NKAIN2: variants seen among roughly 807,000 people sequenced by gnomAD.
The protein encoded by NKAIN2 is sodium/potassium transporting ATPase interacting 2, also known as sodium/potassium-transporting ATPase subunit beta-1-interacting protein 2.
NKAIN2 carries 14 observed loss-of-function variants against 32.6 expected under a neutral mutation model. The observed-to-expected ratio is 0.43, with a 90% confidence interval of 0.28 to 0.67. The LOEUF (loss-of-function observed/expected upper bound fraction) is 0.67. NKAIN2 is among the 30% of genes least tolerant of loss of function. NKAIN2 has a pLI of 0.17. For synonymous variants in NKAIN2, 80 were observed against 87.2 expected (o/e 0.92, Z 0.46); for missense variants, 198 against 258.3 (o/e 0.77, Z 1.60).
At chr6:124,290,889 T>A (rs2753148) in intron 2 of NKAIN2, among the ~76,000 whole-genome samples, 40,316 of 151,936 alleles carry the variant, frequency 0.27, 6,834 homozygotes, top group African/African-American at 0.48. Flanking sequence ...GCAATGTTCT[T>A]CTTCCCTGGA....
intron 1 of NKAIN2, among the ~76,000 whole-genome samples, chr6:124,145,252 A>G (rs1291795898): frequency 6.6e-6 from 1 of 152,138 alleles, no homozygotes; most frequent in Non-Finnish European, 1.5e-5. Context: ...CTACCACACA[A>G]CCCAACAATT....
intron 1 of NKAIN2, among the ~76,000 whole-genome samples, chr6:124,148,909 G>C (rs9388306): frequency 0.79 from 120,853 of 152,104 alleles, 49,073 homozygotes; most frequent in Non-Finnish European, 0.88. Context: ...GCATTATATT[G>C]CATTTCCACC....
chr6:124,370,531 A>G lies in NKAIN2; in HGVS notation c.273+15184A>G, dbSNP rs553988335. ...AATTGTAGGACTCCAGGGTTTTCACACTCAGAGGTAGCATAATATATAAAA... is the reference window on the plus strand; with the variant it reads ...AATTGTAGGACTCCAGGGTTTTCACGCTCAGAGGTAGCATAATATATAAAA... On this transcript the variant is annotated intron_variant, in intron 3 of 6. Transcript: ENST00000368417. Among the ~76,000 whole-genome samples the G allele has an allele frequency of 5.3e-5, 8 of 152,178 alleles. No homozygotes were observed. The East Asian group carries it at 1.5e-3, about 29-fold the overall frequency.
intron 1 of NKAIN2, among the ~76,000 whole-genome samples, chr6:123,869,250 A>G (rs931829031): frequency 1.3e-5 from 2 of 152,234 alleles, no homozygotes; most frequent in Non-Finnish European, 1.5e-5. Context: ...TTGACCTCTT[A>G]TCAGAAAGTG....
At chr6:124,055,439 T>C (rs1782598698) in intron 1 of NKAIN2, among the ~76,000 whole-genome samples, 1 of 152,004 alleles carries the variant, frequency 6.6e-6, no homozygotes, top group Non-Finnish European at 1.5e-5. Context: ...GTAAGGTGAT[T>C]TGAGAGTTAG....
rs189762183 is a variant in NKAIN2 at position 124,558,672 on chromosome 6, A to G, written c.274-99514A>G. ...AATAATTATGCCAGACCTCAGCTGGATGTGGTGGCTCAAGCCCGTAATCCC... is the reference window on the plus strand; with the variant it reads ...AATAATTATGCCAGACCTCAGCTGGGTGTGGTGGCTCAAGCCCGTAATCCC... On this transcript the variant is annotated intron_variant, in intron 3 of 6. Transcript: ENST00000368417. Among the ~76,000 whole-genome samples, 11 of 152,192 alleles carry G rather than the reference A, an allele frequency of 7.2e-5. No homozygotes were observed. In the East Asian group the frequency reaches 1.2e-3, roughly 16 times the overall value.
chr6:124,412,780 T>G (rs2114503736), intron 3 of NKAIN2, among the ~76,000 whole-genome samples: 1 of 152,306 alleles, frequency 6.6e-6, no homozygotes, highest in South Asian at 2.1e-4. Flanking sequence ...AGGTGGAGCC[T>G]ACCTAGGCAG....
intron 1 of NKAIN2, among the ~76,000 whole-genome samples, chr6:124,258,946 G>A (rs1380443438): frequency 6.6e-6 from 1 of 152,120 alleles, no homozygotes; most frequent in Non-Finnish European, 1.5e-5. Context: ...TTTATCATTG[G>A]ATAATTTAAA....
At chr6:124,798,063 T>TTGTC (rs749583601) in intron 5 of NKAIN2, among the ~76,000 whole-genome samples, 2 of 148,600 alleles carry the variant, frequency 1.3e-5, no homozygotes, top group African/African-American at 5.0e-5. Flanking sequence ...TATCTATCTA[T>TTGTC]TATCTATCTA....
chr6:124,157,560 T>G (rs1788055424), intron 1 of NKAIN2, among the ~76,000 whole-genome samples: 1 of 152,214 alleles, frequency 6.6e-6, no homozygotes, highest in Non-Finnish European at 1.5e-5. Flanking sequence ...CCGACATCTC[T>G]GTGAAGGGCC....
At chr6:124,462,274 T>A (rs1028708853) in intron 3 of NKAIN2, among the ~76,000 whole-genome samples, 3 of 151,932 alleles carry the variant, frequency 2.0e-5, no homozygotes, top group African/African-American at 7.2e-5. Context: ...CACCATAATC[T>A]AATAAAATTC....
intron 3 of NKAIN2, among the ~76,000 whole-genome samples, chr6:124,454,487 G>A (rs967817050): frequency 6.6e-6 from 1 of 151,966 alleles, no homozygotes; most frequent in Non-Finnish European, 1.5e-5. Context: ...AGTGATAATT[G>A]TTATTGCTTG....
At position 123,882,988 on chromosome 6, in the gene NKAIN2, CAT is replaced by C. The variant is rs570272667; in HGVS notation, c.54+78735_54+78736del. Among the ~76,000 whole-genome samples, 28 of 151,954 alleles carry C rather than the reference CAT, an allele frequency of 1.8e-4. No homozygotes were observed. The East Asian group carries it at 4.6e-3, about 25-fold the overall frequency. On this transcript the variant is annotated intron_variant, in intron 1 of 6. Transcript: ENST00000368417. ...GGGTGTGTGTGTGTGTGTGTACGTA[CAT>C]GTGTGTGTTTGTATTATACACGCAT...
intron 4 of NKAIN2, among the ~76,000 whole-genome samples, chr6:124,685,182 A>G (rs753779828): frequency 7.2e-5 from 11 of 152,210 alleles, no homozygotes; most frequent in Non-Finnish European, 1.6e-4. Flanking sequence ...GATATTTCTC[A>G]TATGATACAC....
chr6:123,887,333 A>G (rs1773771903), intron 1 of NKAIN2, among the ~76,000 whole-genome samples: 1 of 152,136 alleles, frequency 6.6e-6, no homozygotes, highest in South Asian at 2.1e-4. Context: ...GTTAAGAGGC[A>G]TACTTTTTCC....
At chr6:124,424,317 A>G (rs376546937) in intron 3 of NKAIN2, among the ~76,000 whole-genome samples, 15 of 152,334 alleles carry the variant, frequency 9.8e-5, no homozygotes, top group Middle Eastern at 3.4e-3. Flanking sequence ...TTTGATACAC[A>G]TATACAATGA....
At chr6:124,708,525 T>C (rs200105561) in intron 4 of NKAIN2, among the ~76,000 whole-genome samples, 1 of 152,136 alleles carries the variant, frequency 6.6e-6, no homozygotes, top group African/African-American at 2.4e-5. Flanking sequence ...CACTGAGCAG[T>C]GGTTTGTAGT....
intron 3 of NKAIN2, among the ~76,000 whole-genome samples, chr6:124,642,018 A>G (rs1247491201): frequency 6.6e-6 from 1 of 152,208 alleles, no homozygotes; most frequent in East Asian, 1.9e-4. Flanking sequence ...CTATGGTGTC[A>G]TATTGAATTA....
At chr6:124,500,385 G>C (rs1478839909) in intron 3 of NKAIN2, among the ~76,000 whole-genome samples, 1 of 151,720 alleles carries the variant, frequency 6.6e-6, no homozygotes, top group African/African-American at 2.4e-5. Context: ...GCGGTGGCTC[G>C]TTACTGTAAT....
Sources: allele counts gnomAD v4.1 joint callset (sites outside exome capture counted in the v4.1 genomes callset), GRCh38; gene constraint gnomAD v4.1.1; transcripts MANE v1.5; gene names NCBI Gene and HGNC (gene_info 2026-07-23, HGNC 2026-07-21).